MTHFD2L: variants seen among roughly 807,000 people sequenced by gnomAD.
The protein encoded by MTHFD2L is bifunctional methylenetetrahydrofolate dehydrogenase/cyclohydrolase 2, mitochondrial.
MTHFD2L carries 29 observed loss-of-function variants against 34.9 expected under a neutral mutation model. The observed-to-expected ratio is 0.83, with a 90% CI of 0.62 to 1.13. MTHFD2L has a LOEUF of 1.13. Ranked by LOEUF, MTHFD2L falls within the 50% of genes most tolerant of loss-of-function variation. The pLI, the probability that MTHFD2L is intolerant of heterozygous loss-of-function variation, is 0.00. For synonymous variants in MTHFD2L, 167 were observed against 155.7 expected (o/e 1.07, Z -0.54); for missense variants, 481 against 446.5 (o/e 1.08, Z -0.70).
At chr4:74,202,804 T>C (rs541622301) in intron 5 of MTHFD2L, among the ~76,000 whole-genome samples, 146 of 152,308 alleles carry the variant, frequency 9.6e-4, no homozygotes, top group African/African-American at 3.3e-3. Context: ...TGGGCTACTT[T>C]GCTGCTTGCT....
chr4:74,115,119 C>T (rs1721636215), intron 2 of MTHFD2L, among the ~76,000 whole-genome samples: 1 of 152,134 alleles, frequency 6.6e-6, no homozygotes. Context: ...GCAAGGGAGA[C>T]ATTTTGAGAA....
At chr4:74,239,340 T>TG (rs1741346660) in intron 6 of MTHFD2L, among the ~76,000 whole-genome samples, 3 of 151,964 alleles carry the variant, frequency 2.0e-5, no homozygotes, top group East Asian at 3.9e-4. Flanking sequence ...TGTCGTAGTT[T>TG]GGGGGGGCAG....
intron 5 of MTHFD2L, among the ~76,000 whole-genome samples, chr4:74,202,702 T>A (rs904676300): frequency 2.6e-5 from 4 of 152,206 alleles, no homozygotes; most frequent in Non-Finnish European, 5.9e-5. Flanking sequence ...AGAGACGTGT[T>A]GTACTTTGTT....
intron 6 of MTHFD2L, among the ~76,000 whole-genome samples, chr4:74,255,685 A>G (rs1029379863): frequency 5.9e-4 from 89 of 152,038 alleles, no homozygotes; most frequent in African/African-American, 2.1e-3. Context: ...TACTGTTGCC[A>G]TCTTTATGTT....
At chr4:74,191,557 T>A (rs1160442293) in intron 3 of MTHFD2L, among the ~76,000 whole-genome samples, 1 of 151,972 alleles carries the variant, frequency 6.6e-6, no homozygotes, top group Non-Finnish European at 1.5e-5. Context: ...TATTTATTTA[T>A]TAATTTATTT....
intron 3 of MTHFD2L, among the ~76,000 whole-genome samples, chr4:74,185,575 A>G (rs1731068709): frequency 6.6e-6 from 1 of 152,190 alleles, no homozygotes; most frequent in South Asian, 2.1e-4. Context: ...CAACTGACCA[A>G]TACCAGGACT....
At chr4:74,250,708 C>T (rs572310374) in intron 6 of MTHFD2L, among the ~76,000 whole-genome samples, 1 of 152,262 alleles carries the variant, frequency 6.6e-6, no homozygotes, top group Admixed American at 6.5e-5. Context: ...TTGTTATACT[C>T]CCTAGCAAAT....
intron 1 of MTHFD2L, among the ~76,000 whole-genome samples, chr4:74,164,286 A>G (rs1200020146): frequency 6.6e-6 from 1 of 152,248 alleles, no homozygotes; most frequent in Admixed American, 6.5e-5. Context: ...TACGAATTAA[A>G]TAAACTCTTG....
At chr4:74,144,928 G>A (rs1303070657) in intron 1 of MTHFD2L, among the ~76,000 whole-genome samples, 2 of 152,128 alleles carry the variant, frequency 1.3e-5, no homozygotes, top group Non-Finnish European at 2.9e-5. Context: ...GCTGTAAGTG[G>A]TATAATTTTG....
At chr4:74,147,347 A>G (rs2109848466) in intron 1 of MTHFD2L, among the ~76,000 whole-genome samples, 1 of 152,258 alleles carries the variant, frequency 6.6e-6, no homozygotes, top group East Asian at 1.9e-4. Context: ...GTCTAATAGA[A>G]GGATTCCAGA....
chr4:74,289,042 T>A (rs531724861), intron 7 of MTHFD2L, among the ~76,000 whole-genome samples: 1 of 152,198 alleles, frequency 6.6e-6, no homozygotes, highest in Non-Finnish European at 1.5e-5. Flanking sequence ...CTATTGAGCA[T>A]CTGCTATGTG....
chr4:74,265,730 C>G (rs765015299), intron 6 of MTHFD2L, among the ~76,000 whole-genome samples: 4 of 152,094 alleles, frequency 2.6e-5, no homozygotes, highest in Non-Finnish European at 5.9e-5. Context: ...GTCATGCATA[C>G]TATTTTTGTC....
intron 3 of MTHFD2L, among the ~76,000 whole-genome samples, chr4:74,187,888 T>A (rs10026869): frequency 0.79 from 119,554 of 151,600 alleles, 52,000 homozygotes; most frequent in Non-Finnish European, 0.96. Flanking sequence ...ATGAAACATA[T>A]GTCCATACAA....
chr4:74,198,139 T>C (rs1396882146), intron 3 of MTHFD2L, among the ~76,000 whole-genome samples: 8 of 152,162 alleles, frequency 5.3e-5, no homozygotes, highest in Non-Finnish European at 1.0e-4. Context: ...TGAGTTGAAG[T>C]TGGCATATGC....
chr4:74,287,516 G>T (rs1204952171), intron 7 of MTHFD2L, among the ~76,000 whole-genome samples: 4 of 152,150 alleles, frequency 2.6e-5, no homozygotes, highest in Admixed American at 6.5e-5. Context: ...GGAGACCGAG[G>T]AGTGTGGATC....
intron 3 of MTHFD2L, chr4:74,190,483 G>A (rs1050354377): frequency 1.0e-6 from 1 of 985,264 alleles, no homozygotes; most frequent in Admixed American, 6.2e-5. Flanking sequence ...TCAGAAGGGT[G>A]GAGAACCAGA....
At chr4:74,216,294 T>C (rs1737199289) in intron 5 of MTHFD2L, among the ~76,000 whole-genome samples, 4 of 151,804 alleles carry the variant, frequency 2.6e-5, no homozygotes, top group Admixed American at 6.6e-5. Context: ...CCAGCAGTTC[T>C]CAACTTTAGC....
At chr4:74,276,216 A>G (rs1197136756) in intron 6 of MTHFD2L, among the ~76,000 whole-genome samples, 1 of 152,192 alleles carries the variant, frequency 6.6e-6, no homozygotes, top group East Asian at 1.9e-4. Context: ...AAGATTTGAT[A>G]TTCATTAAAT....
intron 3 of MTHFD2L, among the ~76,000 whole-genome samples, chr4:74,191,888 G>A (rs1732599948): frequency 6.6e-6 from 1 of 152,102 alleles, no homozygotes; most frequent in Non-Finnish European, 1.5e-5. Context: ...GATGTTAGAG[G>A]ATATGGAAGG....
Sources: gnomAD v4.1 joint callset for allele counts (sites outside exome capture counted in the v4.1 genomes callset) on GRCh38, gnomAD v4.1.1 for gene constraint, MANE v1.5 for transcripts, NCBI Gene and HGNC (gene_info 2026-07-23, HGNC 2026-07-21) for gene names.